CNTNAP2: variants seen among roughly 807,000 people sequenced by gnomAD.
CNTNAP2 encodes contactin-associated protein-like 2.
CNTNAP2 carries 98 observed loss-of-function variants against 155.2 expected under a neutral mutation model. The ratio of observed to expected loss-of-function variants is 0.63; its 90% CI spans 0.54 to 0.75. The LOEUF is 0.75. CNTNAP2 is among the 30% of genes least tolerant of loss of function. The pLI, the probability that CNTNAP2 is intolerant of heterozygous loss-of-function variation, is 0.00. For missense variants in CNTNAP2, 1,727 were observed against 1,688.1 expected (o/e 1.02, Z -0.40); for synonymous variants, 651 against 631.2 (o/e 1.03, Z -0.47).
intron 14 of CNTNAP2, among the ~76,000 whole-genome samples, chr7:147,963,087 T>C (rs1209015645): frequency 6.6e-6 from 1 of 152,142 alleles, no homozygotes; most frequent in Non-Finnish European, 1.5e-5. Context: ...CGAGGTCAAG[T>C]TCTATGGCTA....
At chr7:146,663,816 T>G (rs1241872351) in intron 1 of CNTNAP2, among the ~76,000 whole-genome samples, 1 of 152,198 alleles carries the variant, frequency 6.6e-6, no homozygotes, top group East Asian at 1.9e-4. Context: ...ATTTTATGTT[T>G]GCTCCTTTCC....
At chr7:146,514,541 T>A (rs1259958416) in intron 1 of CNTNAP2, among the ~76,000 whole-genome samples, 1 of 152,212 alleles carries the variant, frequency 6.6e-6, no homozygotes, top group East Asian at 1.9e-4. Flanking sequence ...TAATTCAATG[T>A]ATTCTTTAGT....
intron 9 of CNTNAP2, among the ~76,000 whole-genome samples, chr7:147,325,945 C>T (rs1407150605): frequency 6.6e-6 from 1 of 151,964 alleles, no homozygotes; most frequent in Non-Finnish European, 1.5e-5. Flanking sequence ...TTTTTTGAGA[C>T]AGAGTCTTGC....
chr7:146,398,580 A>T (rs1724535), intron 1 of CNTNAP2, among the ~76,000 whole-genome samples: 25,250 of 152,078 alleles, frequency 0.17, 3,570 homozygotes, highest in African/African-American at 0.39. Flanking sequence ...GCAAGTTTTT[A>T]TTGAATTTTA....
chr7:147,542,288 G>A (rs1156628014), intron 11 of CNTNAP2, among the ~76,000 whole-genome samples: 1 of 142,350 alleles, frequency 7.0e-6, no homozygotes, highest in Non-Finnish European at 1.5e-5. Context: ...GAGACATTTG[G>A]ATTGTTCAGT....
chr7:146,498,476 C>T (rs984813004), intron 1 of CNTNAP2, among the ~76,000 whole-genome samples: 1 of 152,082 alleles, frequency 6.6e-6, no homozygotes, highest in African/African-American at 2.4e-5. Flanking sequence ...TAAGATAAAA[C>T]AATTTAATTC....
rs28866937 is a variant in CNTNAP2 at position 147,793,459 on chromosome 7, T to C, written c.2099-110106T>C. On this transcript the variant is annotated intron_variant, in intron 13 of 23. Transcript: ENST00000361727. ...AAAATACTGCTTTTTCCCCATTGAA[T>C]TGTTTGGCACTCTGGCTGAAAATCA... Among the ~76,000 whole-genome samples, 671 of 152,238 alleles carry C rather than the reference T, an allele frequency of 4.4e-3. 3 individuals carry two copies. Among genetic ancestry groups the C allele is most frequent in the African/African-American group, 0.015 (633 of 41,564 alleles).
intron 9 of CNTNAP2, among the ~76,000 whole-genome samples, chr7:147,317,390 C>T (rs1795250859): frequency 6.6e-6 from 1 of 152,234 alleles, no homozygotes; most frequent in Non-Finnish European, 1.5e-5. Context: ...ATTACAAGGA[C>T]CTTGCATCGT....
chr7:146,911,573 G>A (rs372829149), intron 3 of CNTNAP2, among the ~76,000 whole-genome samples: 10 of 147,786 alleles, frequency 6.8e-5, no homozygotes, highest in Admixed American at 1.4e-4. Context: ...ACCAAACACC[G>A]TATATTCTCA....
chr7:147,526,545 G>A (rs558622483), intron 11 of CNTNAP2, among the ~76,000 whole-genome samples: 2 of 152,302 alleles, frequency 1.3e-5, no homozygotes, highest in Non-Finnish European at 2.9e-5. Flanking sequence ...TAATGGTTTA[G>A]TGCTCATTGC....
intron 11 of CNTNAP2, among the ~76,000 whole-genome samples, chr7:147,488,374 G>T (rs180886068): frequency 6.6e-6 from 1 of 152,126 alleles, no homozygotes; most frequent in African/African-American, 2.4e-5. Context: ...CACTTTGTTC[G>T]ACTGAAGTCT....
At chr7:147,596,398 C>T (rs984931432) in intron 12 of CNTNAP2, among the ~76,000 whole-genome samples, 2 of 152,202 alleles carry the variant, frequency 1.3e-5, no homozygotes, top group African/African-American at 4.8e-5. Context: ...ACAAGATCTT[C>T]TACCCCTACC....
chr7:147,842,557 C>CTT (rs1171642244), intron 13 of CNTNAP2, among the ~76,000 whole-genome samples: 43 of 87,578 alleles, frequency 4.9e-4, no homozygotes, highest in East Asian at 3.0e-3. Context: ...AGTTGCATTT[C>CTT]TTTTTTTTTT....
At chr7:146,289,729 A>G (rs576044125) in intron 1 of CNTNAP2, among the ~76,000 whole-genome samples, 3 of 152,318 alleles carry the variant, frequency 2.0e-5, no homozygotes, top group East Asian at 3.9e-4. Flanking sequence ...TCACACACAC[A>G]ATCTCTTTTA....
intron 8 of CNTNAP2, among the ~76,000 whole-genome samples, chr7:147,242,987 AT>A (rs766917054): frequency 6.9e-3 from 324 of 47,110 alleles, no homozygotes; most frequent in Non-Finnish European, 8.5e-3. Flanking sequence ...TATGCTTTGC[AT>A]TTTTTTTTTT....
intron 9 of CNTNAP2, among the ~76,000 whole-genome samples, chr7:147,353,505 C>T (rs190758721): frequency 6.6e-6 from 1 of 152,144 alleles, no homozygotes; most frequent in African/African-American, 2.4e-5. Context: ...CATAGTATTC[C>T]GTGGTGTATA....
intron 8 of CNTNAP2, among the ~76,000 whole-genome samples, chr7:147,226,969 A>G (rs1470844563): frequency 2.0e-5 from 3 of 152,240 alleles, no homozygotes; most frequent in African/African-American, 7.2e-5. Flanking sequence ...AAAGATACAG[A>G]CAATTAATTG....
chr7:147,801,502 G>C (rs1216395993), intron 13 of CNTNAP2, among the ~76,000 whole-genome samples: 2 of 151,704 alleles, frequency 1.3e-5, no homozygotes, highest in South Asian at 2.1e-4. Flanking sequence ...CTGGGTACTT[G>C]AGATTAGGGA....
chr7:147,205,847 T>A (rs1226052173), intron 8 of CNTNAP2, among the ~76,000 whole-genome samples: 1 of 152,090 alleles, frequency 6.6e-6, no homozygotes, highest in Non-Finnish European at 1.5e-5. Flanking sequence ...TTGACTATAG[T>A]CCACAATTAA....
Sources: allele counts gnomAD v4.1 joint callset (sites outside exome capture counted in the v4.1 genomes callset), GRCh38; gene constraint gnomAD v4.1.1; transcripts MANE v1.5; gene names NCBI Gene and HGNC (gene_info 2026-07-23, HGNC 2026-07-21).